COL4A6: variants seen among roughly 807,000 people sequenced by gnomAD.
COL4A6 encodes collagen type IV alpha 6 chain, also known as collagen alpha-6(IV) chain.
In COL4A6, 59 loss-of-function variants were observed where a neutral mutation model predicts 126.7. The ratio of observed to expected loss-of-function variants is 0.47; its 90% confidence interval spans 0.38 to 0.58. COL4A6 has a LOEUF of 0.58. Among genes scored for constraint, COL4A6 ranks in the 20% least tolerant of loss-of-function variants. The pLI, the probability that COL4A6 is intolerant of heterozygous loss-of-function variation, is 0.00. For missense variants in COL4A6, 1,285 were observed against 1,337.3 expected, an observed-to-expected ratio of 0.96 and a Z score of 0.61; for synonymous variants, 547 against 496.6, an observed-to-expected ratio of 1.10 and a Z score of -1.35.
chrX:108,281,921 A>C (rs1266781), intron 3 of COL4A6, among the ~76,000 whole-genome samples: 1 of 108,079 alleles, frequency 9.3e-6, no homozygotes, highest in Middle Eastern at 4.3e-3. Context: ...AATAAATGGT[A>C]CTGGGAAAAC....
chrX:108,209,557 G>A (rs754373868), intron 8 of COL4A6, among the ~76,000 whole-genome samples: 137 of 112,119 alleles, frequency 1.2e-3, no homozygotes, highest in African/African-American at 4.1e-3. Context: ...GCCTTACATG[G>A]ACTCACCATT....
At position 108,188,154 on chromosome X, in the gene COL4A6, G is replaced by A. The variant is rs2034930208; in HGVS notation, c.1588-127C>T. 8.1e-6 allele frequency: 4 copies of A among 493,222 alleles called. No individual in the cohort carries two copies. The Admixed American group carries it at 1.2e-4, about 15-fold the overall frequency. 40.6% of individuals were successfully genotyped at this position (493,222 alleles called of 1,213,427 possible). On this transcript the variant is annotated intron_variant, in intron 21 of 44. Transcript: ENST00000334504. ...TGGCACTGTTCTAGACACTGATTAT[G>A]TTGTAATCTTGAATAATAGTTGCCC...
At chrX:108,160,301 G>T (rs1307337029) in intron 43 of COL4A6, among the ~76,000 whole-genome samples, 162 bp downstream of exon 43, 1 of 112,512 alleles carries the variant, frequency 8.9e-6, no homozygotes, top group Non-Finnish European at 1.9e-5. Context: ...GCTAGTAAGT[G>T]ATAGAGCCAG....
chrX:108,377,838 AG>A (rs2040474693), intron 2 of COL4A6, among the ~76,000 whole-genome samples: 2 of 103,618 alleles, frequency 1.9e-5, no homozygotes, highest in South Asian at 9.3e-4. Context: ...GCTACTAGCG[AG>A]GCTGAGGCAG....
At chrX:108,222,164 G>A (rs2036035549) in intron 3 of COL4A6, among the ~76,000 whole-genome samples, 2 of 112,600 alleles carry the variant, frequency 1.8e-5, no homozygotes, top group South Asian at 7.3e-4. Context: ...AGTTCAGGCT[G>A]ACATTTTAAA....
chrX:108,233,996 C>T (rs1317173331), intron 3 of COL4A6, among the ~76,000 whole-genome samples: 1 of 112,109 alleles, frequency 8.9e-6, no homozygotes. Flanking sequence ...CTGTGTGCAA[C>T]AGGAAAGATG....
At chrX:108,220,685 G>A (rs961450627) in intron 4 of COL4A6, among the ~76,000 whole-genome samples, 3 of 112,596 alleles carry the variant, frequency 2.7e-5, no homozygotes, top group Non-Finnish European at 1.9e-5. Flanking sequence ...AAACCCACCT[G>A]ACTTCTTACC....
At chrX:108,407,863 T>C (rs185954386) in intron 2 of COL4A6, among the ~76,000 whole-genome samples, 2 of 112,303 alleles carry the variant, frequency 1.8e-5, no homozygotes, top group African/African-American at 6.5e-5. Flanking sequence ...TTAGTACCAG[T>C]TAGTATTTAC....
intron 5 of COL4A6, among the ~76,000 whole-genome samples, chrX:108,214,879 AT>A (rs1255163108): frequency 8.9e-6 from 1 of 112,633 alleles, no homozygotes; most frequent in Non-Finnish European, 1.9e-5. Flanking sequence ...TTGCTGGGGA[AT>A]TAGTAATCAT....
chrX:108,196,179 T>A (rs747785445), intron 14 of COL4A6, among the ~76,000 whole-genome samples: 1 of 111,349 alleles, frequency 9.0e-6, no homozygotes, highest in East Asian at 2.8e-4. Flanking sequence ...TAGAATGGAA[T>A]GAAAGCAAGG....
At chrX:108,407,071 T>C (rs2041221563) in intron 2 of COL4A6, among the ~76,000 whole-genome samples, 1 of 112,387 alleles carries the variant, frequency 8.9e-6, no homozygotes, top group African/African-American at 3.2e-5. Flanking sequence ...TGCCACAGTT[T>C]TATGGCGTCT....
In COL4A6 at chrX:108,156,018, C is replaced by A. The variant is rs139952455; in HGVS notation, c.*982G>T. 8.9e-6 allele frequency: 1 copy of A among 112,260 alleles called. No homozygotes were observed. Among genetic ancestry groups the A allele is most frequent in the African/African-American group, 3.2e-5 (1 of 30,870 alleles). 9.3% of individuals were successfully genotyped at this position (112,260 alleles called of 1,213,427 possible). ...AACCATTTAACAAAGTCTTTAACAT[C>A]CTCAGAATACAAGGAAACCAACACT... is the stretch of plus-strand genomic sequence containing the variant. On this transcript the variant is annotated 3_prime_UTR_variant, in exon 45 of 45. Transcript: ENST00000334504.
chrX:108,352,352 G>T (rs2039864828), intron 2 of COL4A6, among the ~76,000 whole-genome samples: 1 of 112,491 alleles, frequency 8.9e-6, no homozygotes, highest in African/African-American at 3.2e-5. Context: ...CAGGCAACAA[G>T]GAGTCAATGT....
chrX:108,314,714 G>C (rs1189626251), intron 2 of COL4A6, among the ~76,000 whole-genome samples: 2 of 111,988 alleles, frequency 1.8e-5, no homozygotes, highest in Admixed American at 9.5e-5. Flanking sequence ...TTAAATCCCA[G>C]CTCTAATATT....
intron 2 of COL4A6, among the ~76,000 whole-genome samples, chrX:108,371,313 A>C (rs1056967752): frequency 9.1e-6 from 1 of 110,340 alleles, no homozygotes; most frequent in Non-Finnish European, 1.9e-5. Flanking sequence ...ATGGTAAGAA[A>C]ATTCAAACTG....
Position 108,310,728 on chromosome X carries a change from C to CAATGAAAT in COL4A6, c.144+12_144+19dup, listed in dbSNP as rs2038741288. The CAATGAAAT allele has an allele frequency of 8.4e-7, 1 of 1,186,125 alleles. No individual in the cohort carries two copies. The highest frequency in any genetic ancestry group is 1.8e-5 in the African/African-American group (1 of 56,626). On this transcript the variant is annotated intron_variant, in intron 3 of 44. Transcript: ENST00000334504. ...TCCCATGCCACTATTTGTCTTTCAA[C>CAATGAAAT]AATGAAATAAGCAACTTACTCTCGC... is the stretch of plus-strand genomic sequence containing the variant.
At chrX:108,429,584 T>C (rs1454453656) in intron 2 of COL4A6, among the ~76,000 whole-genome samples, 1 of 112,180 alleles carries the variant, frequency 8.9e-6, no homozygotes, top group East Asian at 2.8e-4. Context: ...GTATTACAAC[T>C]AGGGGAAAAC....
chrX:108,394,351 C>T (rs2040915265), intron 2 of COL4A6, among the ~76,000 whole-genome samples: 1 of 110,015 alleles, frequency 9.1e-6, no homozygotes, highest in African/African-American at 3.3e-5. Context: ...GTGCAGCAAA[C>T]CACCATGGCA....
At chrX:108,233,802 G>C (rs962495526) in intron 3 of COL4A6, among the ~76,000 whole-genome samples, 42 of 112,134 alleles carry the variant, frequency 3.7e-4, no homozygotes, top group African/African-American at 1.3e-3. Flanking sequence ...AACTCAAGAA[G>C]ATGAGATGAC....
Sources: allele counts gnomAD v4.1 joint callset (sites outside exome capture counted in the v4.1 genomes callset), GRCh38; gene constraint gnomAD v4.1.1; transcripts MANE v1.5; gene names NCBI Gene and HGNC (gene_info 2026-07-23, HGNC 2026-07-21).